The following RRM2 variants were observed in gnomAD, a reference collection of about 807,000 sequenced individuals.
RRM2 encodes ribonucleotide reductase regulatory subunit M2, also known as ribonucleoside-diphosphate reductase subunit M2.
In RRM2, 6 loss-of-function variants were observed where a neutral mutation model predicts 45.9. That is an observed-to-expected ratio of 0.13 (90% CI 0.07 to 0.26). The LOEUF (loss-of-function observed/expected upper bound fraction) is 0.26. Ranked by LOEUF, RRM2 falls within the 10% of genes least tolerant of loss-of-function variation. The probability of loss-of-function intolerance (pLI) is 1.00; values close to 1 mark genes in which losing one functional copy is unlikely to be tolerated. For synonymous variants in RRM2, 177 were observed against 173.0 expected, an observed-to-expected ratio of 1.02 and a Z score of -0.18; for missense variants, 343 against 489.5, an observed-to-expected ratio of 0.70 and a Z score of 2.82.
At chr2:10,161,714 T>C (rs185540941) in intron 3 of RRM2, among the ~76,000 whole-genome samples, 47 of 152,180 alleles carry the variant, frequency 3.1e-4, no homozygotes, top group African/African-American at 1.1e-3. Context: ...ATGCATGCTT[T>C]AACTCGAGGG....
At chr2:10,141,731 G>A in intron 1 of RRM2, 1 of 1,399,710 alleles carries the variant, frequency 7.1e-7, no homozygotes, top group Non-Finnish European at 9.7e-7. Flanking sequence ...TGAGGGTGGG[G>A]TACTGTTCCA....
At position 10,205,128 on chromosome 2, in the gene RRM2, C is replaced by T. The variant is rs1332869761; in HGVS notation, n.483-5183C>T. Among the ~76,000 whole-genome samples, 2 of 152,244 alleles carry T rather than the reference C, an allele frequency of 1.3e-5. No individual in the cohort carries two copies. Among genetic ancestry groups the T allele is most frequent in the Non-Finnish European group, 2.9e-5 (2 of 68,046 alleles). The stretch of plus-strand genomic sequence containing the variant: ...CTCTTCAGAATCTGTCTGCTTCACC[C>T]TGAATCTTGTCTATTGTCCTGGCTA... On this transcript the variant is annotated intron_variant and non_coding_transcript_variant, in intron 3 of 3. Transcript: ENST00000381786. The surrounding 1 kb of genome is among the most constrained non-coding windows in gnomAD (Gnocchi z 4.8).
At chr2:10,165,675 C>T (rs577647586) in intron 3 of RRM2, among the ~76,000 whole-genome samples, 1 of 152,328 alleles carries the variant, frequency 6.6e-6, no homozygotes, top group South Asian at 2.1e-4. Context: ...CCTGGGTGAC[C>T]AGGGCGATGA....
rs1377865800 is a variant in RRM2, at chr2:10,200,467, C to T, written n.483-9844C>T. Among the ~76,000 whole-genome samples, 59 of 76,542 alleles carry T rather than the reference C, an allele frequency of 7.7e-4. 2 individuals carry two copies. Among genetic ancestry groups the T allele is most frequent in the African/African-American group, 2.0e-3 (50 of 24,456 alleles). 50.2% of individuals were successfully genotyped at this position (76,542 alleles called of 152,430 possible). A position where few individuals can be genotyped will look rare whatever the true frequency, so the allele number is the denominator to read the frequency against. ...ATATGAGGCCCACAGGGACCGCGCG[C>T]GCAAAATATGAGGCCCACAGGCACC... On this transcript the variant is annotated intron_variant and non_coding_transcript_variant, in intron 3 of 3. Transcript: ENST00000381786.
chr2:10,182,113 T>A (rs1255961411), intron 3 of RRM2, among the ~76,000 whole-genome samples: 1 of 152,048 alleles, frequency 6.6e-6, no homozygotes, highest in Non-Finnish European at 1.5e-5. Flanking sequence ...TTTTCATGTC[T>A]GTCCCTCCCC....
chr2:10,128,597 A>G (rs901805119), intron 7 of RRM2, among the ~76,000 whole-genome samples: 9 of 152,230 alleles, frequency 5.9e-5, no homozygotes, highest in African/African-American at 2.2e-4. Flanking sequence ...ACAGCAGAGC[A>G]AGAAATACAC....
downstream of RRM2, among the ~76,000 whole-genome samples, chr2:10,131,608 A>T (rs552621593): frequency 3.3e-5 from 5 of 152,254 alleles, no homozygotes; most frequent in African/African-American, 1.2e-4. Context: ...GCATGGTGGC[A>T]CACGCCTGTA....
intron 3 of RRM2, among the ~76,000 whole-genome samples, chr2:10,177,692 TTCCTTCCTTC>T (rs1663948214): frequency 6.7e-6 from 1 of 149,662 alleles, no homozygotes; most frequent in African/African-American, 2.5e-5. Context: ...CCTTCCTTCC[TTCCTTCCTTC>T]CTTCCTCTCT....
At chr2:10,208,839 C>T (rs1397224572) in intron 3 of RRM2, among the ~76,000 whole-genome samples, 3 of 152,004 alleles carry the variant, frequency 2.0e-5, no homozygotes, top group South Asian at 2.1e-4. Flanking sequence ...CAGACACTCA[C>T]GTATCACCCT....
chr2:10,176,856 C>T (rs1663924983), intron 3 of RRM2, among the ~76,000 whole-genome samples: 1 of 152,106 alleles, frequency 6.6e-6, no homozygotes, highest in Non-Finnish European at 1.5e-5. Context: ...ACCTGTTTCT[C>T]CTGTGGGTAT....
chr2:10,123,202 C>T lies in RRM2; in HGVS notation c.174+145C>T, dbSNP rs879642944. On this transcript the variant is annotated intron_variant, in intron 2 of 9. Coordinates refer to ENST00000304567, the MANE Select transcript of RRM2 (RefSeq NM_001034.4). ...CCCTCCCCAGGGCTGCCTCCCGCGC[C>T]CCTCGGCCCATTTCCCGGTTCGGGC... is the stretch of plus-strand genomic sequence containing the variant. 27 of 1,278,786 alleles carry T rather than the reference C, an allele frequency of 2.1e-5. No individual in the cohort carries two copies. The East Asian group carries it at 6.4e-4, about 30-fold the overall frequency. The allele number at this position is 1,278,786 out of a possible 1,614,324, so 79.2% of individuals were successfully genotyped here.
intron 3 of RRM2, among the ~76,000 whole-genome samples, chr2:10,163,498 G>A (rs980950854): frequency 6.6e-6 from 1 of 152,218 alleles, no homozygotes; most frequent in Non-Finnish European, 1.5e-5. Flanking sequence ...AGGGTTGGTT[G>A]TGTGATCTTG....
intron 3 of RRM2, chr2:10,210,285 C>G (rs1664734896): frequency 5.9e-6 from 8 of 1,354,518 alleles, no homozygotes; most frequent in African/African-American, 1.5e-5. Flanking sequence ...GTTCAGTTAC[C>G]AAATCTTTCT....
chr2:10,194,004 A>T (rs536031217), intron 3 of RRM2, among the ~76,000 whole-genome samples: 21 of 152,238 alleles, frequency 1.4e-4, no homozygotes, highest in Non-Finnish European at 2.4e-4. Context: ...CCCTCTGTCC[A>T]TTTCAACGCT....
At chr2:10,173,158 T>C (rs913776840) in intron 3 of RRM2, among the ~76,000 whole-genome samples, 4 of 152,154 alleles carry the variant, frequency 2.6e-5, no homozygotes, top group South Asian at 2.1e-4. Context: ...GGGAGATAAA[T>C]AGCCCCTACC....
intron 3 of RRM2, among the ~76,000 whole-genome samples, chr2:10,196,746 G>A (rs953923824): frequency 2.6e-5 from 4 of 152,224 alleles, no homozygotes; most frequent in African/African-American, 9.6e-5. Context: ...AGGCGGGTTC[G>A]CTGTGGCCAG....
chr2:10,159,343 C>T (rs905944693), intron 3 of RRM2, among the ~76,000 whole-genome samples: 1 of 152,216 alleles, frequency 6.6e-6, no homozygotes, highest in African/African-American at 2.4e-5. Flanking sequence ...TCGCCCTCAG[C>T]CTGGGAATGT....
intron 3 of RRM2, chr2:10,198,587 TG>T (rs767929319): frequency 1.2e-4 from 19 of 152,040 alleles, no homozygotes; most frequent in Non-Finnish European, 2.1e-4. Flanking sequence ...TATTTTTTTT[TG>T]TAGAGATGGG....
upstream of RRM2, among the ~76,000 whole-genome samples, chr2:10,141,108 A>T (rs1443157270): frequency 6.6e-6 from 1 of 152,158 alleles, no homozygotes; most frequent in Non-Finnish European, 1.5e-5. Context: ...AGCCTCTGGA[A>T]GTTGCTTAGG....
Sources: gnomAD v4.1 joint callset for allele counts (sites outside exome capture counted in the v4.1 genomes callset) on GRCh38, gnomAD v4.1.1 for gene constraint, Gnocchi (gnomAD v3.1) non-coding constraint, MANE v1.5 for transcripts, NCBI Gene and HGNC (gene_info 2026-07-23, HGNC 2026-07-21) for gene names.